RHBDD3: variants seen among roughly 807,000 people sequenced by gnomAD.
RHBDD3 encodes the protein rhomboid domain-containing protein 3.
Under a neutral mutation model 32.3 loss-of-function variants are expected in RHBDD3, and 34 were observed. That is an observed-to-expected ratio of 1.05 (90% CI 0.80 to 1.40). The LOEUF (loss-of-function observed/expected upper bound fraction) is 1.40. RHBDD3 is among the 40% of genes most tolerant of loss of function. RHBDD3 has a pLI of 0.00. For synonymous variants in RHBDD3, 249 were observed against 239.1 expected (o/e 1.04, Z -0.38); for missense variants, 482 against 492.6 (o/e 0.98, Z 0.20).
chr22:29,260,908 C>T, intron 4 of RHBDD3, 44 bp from the exon 5 acceptor site: 1 of 1,499,484 alleles, frequency 6.7e-7, no homozygotes, highest in Non-Finnish European at 8.8e-7. Flanking sequence ...AAACCAAAAG[C>T]AGCCAGGGGT....
chr22:29,268,124 A>C (rs2058273762), upstream of RHBDD3: 1 of 630,626 alleles, frequency 1.6e-6, no homozygotes, highest in African/African-American at 1.8e-5. Context: ...TTTTGGCCCG[A>C]GTGTCACGTC....
intron 4 of RHBDD3, chr22:29,261,154 T>C: frequency 1.7e-6 from 1 of 583,280 alleles, no homozygotes; most frequent in South Asian, 1.8e-5. Flanking sequence ...TTTTCAGGTC[T>C]GTAACTCAAG....
At chr22:29,265,446 G>A (rs1177186684) in intron 3 of RHBDD3, 33 bp downstream of exon 3, 4 of 1,480,304 alleles carry the variant, frequency 2.7e-6, no homozygotes, top group Admixed American at 5.2e-5. Context: ...CAAGTCTCCT[G>A]CTTCCTCCAA....
chr22:29,260,431 T>C lies in RHBDD3; in HGVS notation c.878A>G (p.Asp293Gly). ...GATGCCCTCCTGCAGCATCTGCTCA[T>C]CCAAGGCCGCCCACATCGGAGTCCC... ...SPGTPMWAAL[D>G]EQMLQEGIQA... The change falls in exon 6 of 7, where the codon GAT becomes GGT. Residue 293 changes from aspartate to glycine, a missense_variant. Physicochemically the swap from Asp to Gly is moderately conservative, Grantham distance 94 (BLOSUM62 -1). Transcript: ENST00000216085. 1 of 1,611,070 alleles carries C rather than the reference T, an allele frequency of 6.2e-7. No homozygotes were observed. Among genetic ancestry groups the C allele is most frequent in the South Asian group, 1.1e-5 (1 of 90,672 alleles).
In RHBDD3 at chr22:29,259,955, C is replaced by A; in HGVS notation, c.*105G>T. 8.4e-7 allele frequency: 1 copy of A among 1,192,542 alleles called. No individual in the cohort carries two copies. The highest frequency in any genetic ancestry group is 2.6e-5 in the East Asian group (1 of 38,932). 73.9% of individuals were successfully genotyped at this position (1,192,542 alleles called of 1,614,324 possible). A position where few individuals can be genotyped will look rare whatever the true frequency, so the allele number is the denominator to read the frequency against. On this transcript the variant is annotated 3_prime_UTR_variant, in exon 7 of 7. Transcript: ENST00000216085. ...TCTCCTGCCTCCAGAGGTGCCCCTG[C>A]TCCCCACTGTGGCCCTCTTTAGACA...
In RHBDD3 at chr22:29,260,541, G is replaced by A. The variant is rs780842141; in HGVS notation, c.768C>T (p.Pro256=). The A allele has an allele frequency of 1.3e-6, 2 of 1,597,944 alleles. No homozygotes were observed. The highest frequency in any genetic ancestry group is 1.7e-6 in the Non-Finnish European group (2 of 1,175,096). The change falls in exon 6 of 7, where the codon CCC becomes CCT. Residue 256 remains proline (P), a synonymous_variant. Coordinates refer to ENST00000216085, the MANE Select transcript of RHBDD3 (RefSeq NM_012265.3). The part of the protein sequence containing the change: ...LWSHWEDSAL[P]PPSLRPVQPT... ...GCTGCACAGGCCTCAGGCTTGGTGGGGGCAGGGCTGAGTCTTCCCAGTGGG... is the reference window on the plus strand; with the variant it reads ...GCTGCACAGGCCTCAGGCTTGGTGGAGGCAGGGCTGAGTCTTCCCAGTGGG...
chr22:29,262,659 T>G (rs1329541634), intron 4 of RHBDD3, among the ~76,000 whole-genome samples: 1 of 152,208 alleles, frequency 6.6e-6, no homozygotes. Context: ...TTAACAATAT[T>G]AAGTATTCCA....
In RHBDD3 at chr22:29,263,803, C is replaced by T. The variant is rs544214936; in HGVS notation, c.532+32G>A. Reference sequence around the variant, plus strand: ...GCACCCACCCACAGAACCCACACATCCCCACGGGCCCTGGGCTCAGGCAAA... The same window carrying T: ...GCACCCACCCACAGAACCCACACATTCCCACGGGCCCTGGGCTCAGGCAAA... On this transcript the variant is annotated intron_variant, in intron 4 of 6. Transcript: ENST00000216085. The T allele has an allele frequency of 1.0e-4, 154 of 1,483,308 alleles. No individual in the cohort carries two copies. The African/African-American group carries it at 2.0e-3, about 19-fold the overall frequency. The allele number at this position is 1,483,308 out of a possible 1,614,324, so 91.9% of individuals were successfully genotyped here.
chr22:29,265,664 G>A lies in RHBDD3; in HGVS notation c.-38C>T, dbSNP rs748568780. 37 of 1,543,704 alleles carry A rather than the reference G, an allele frequency of 2.4e-5. No individual in the cohort carries two copies. The highest frequency in any genetic ancestry group is 2.8e-5 in the Non-Finnish European group (32 of 1,155,580). ...GACGGTCAAGGGTGGTCCTGGGGCT[G>A]TGTGCTGGGGATAAAAGAAAACAAT... is the stretch of plus-strand genomic sequence containing the variant. On this transcript the variant is annotated 5_prime_UTR_variant, in exon 3 of 7. Coordinates refer to ENST00000216085, the MANE Select transcript of RHBDD3 (RefSeq NM_012265.3).
chr22:29,261,711 G>A lies in RHBDD3; in HGVS notation c.533-847C>T, dbSNP rs190502717. On this transcript the variant is annotated intron_variant, in intron 4 of 6. Transcript: ENST00000216085. The stretch of plus-strand genomic sequence containing the variant: ...ACTCTGTCACCCAGGCTGATATGCA[G>A]TGGTGAAATCTCGGCTCACTGCAAC... 61 of 185,922 alleles carry A rather than the reference G, an allele frequency of 3.3e-4. No homozygotes were observed. The East Asian group carries it at 9.2e-3, about 28-fold the overall frequency. 11.5% of individuals were successfully genotyped at this position (185,922 alleles called of 1,614,324 possible).
intron 2 of RHBDD3, 72 bp from the exon 3 acceptor site, chr22:29,265,740 T>C: frequency 7.3e-7 from 1 of 1,370,932 alleles, no homozygotes; most frequent in Non-Finnish European, 9.6e-7. Context: ...TCAAGCACCT[T>C]ATCAACAGCC....
intron 2 of RHBDD3, among the ~76,000 whole-genome samples, chr22:29,266,653 TC>T (rs1296557592): frequency 6.6e-6 from 1 of 152,160 alleles, no homozygotes; most frequent in East Asian, 1.9e-4. Context: ...CCCGTGCTGT[TC>T]TCTTGCATCC....
chr22:29,261,500 A>ATT, intron 4 of RHBDD3: 1 of 368,396 alleles, frequency 2.7e-6, no homozygotes, highest in Non-Finnish European at 5.4e-6. Context: ...TGGCTGAGGC[A>ATT]AGAGGATCGC....
In RHBDD3 at chr22:29,260,466, G is replaced by C; in HGVS notation, c.843C>G (p.Ser281Arg). 6.2e-7 allele frequency: 1 copy of C among 1,608,982 alleles called. No individual in the cohort carries two copies. Among genetic ancestry groups the C allele is most frequent in the Non-Finnish European group, 8.5e-7 (1 of 1,178,854 alleles). Residue 281 changes from serine to arginine, a missense_variant, in exon 6 of 7, where the codon AGC becomes AGG. Ser to Arg is a moderately radical substitution (Grantham distance 110). Transcript: ENST00000216085. Reference sequence around the variant, plus strand: ...CCCACATCGGAGTCCCTGGGGAGAAGCTGGCCCCAGCCCAGTCCAGGCCTG... The same window carrying C: ...CCCACATCGGAGTCCCTGGGGAGAACCTGGCCCCAGCCCAGTCCAGGCCTG... ...SEAGLDWAGA[S>R]FSPGTPMWAA...
upstream of RHBDD3, chr22:29,267,987 C>T: frequency 2.6e-6 from 1 of 380,924 alleles, no homozygotes. Context: ...CCTGCAGGGC[C>T]GACTCTTCAG....
rs754162332 is a variant in RHBDD3 at position 29,264,098 on chromosome 22, A to C, written c.269T>G (p.Leu90Arg). The C allele has an allele frequency of 8.8e-6, 14 of 1,586,212 alleles. No homozygotes were observed. ...QECHLGTLRF[L>R]HASALLALAS... ...CAGGGCGAGCAGGGCTGAGGCATGC[A>C]GGAATCTCAGCGTGCCCAGGTGGCA... The change falls in exon 4 of 7, where the codon CTG becomes CGG. Residue 90 changes from leucine (L) to arginine (R), a missense_variant. Transcript: ENST00000216085.
chr22:29,266,941 C>G (rs2058208716), intron 2 of RHBDD3, among the ~76,000 whole-genome samples: 1 of 152,262 alleles, frequency 6.6e-6, no homozygotes, highest in Non-Finnish European at 1.5e-5. Flanking sequence ...TTCCCCTCCT[C>G]TGGCCCCCTA....
At chr22:29,262,824 A>C (rs892953454) in intron 4 of RHBDD3, among the ~76,000 whole-genome samples, 3 of 152,112 alleles carry the variant, frequency 2.0e-5, no homozygotes, top group African/African-American at 7.2e-5. Flanking sequence ...CTCCTGTCTC[A>C]GTCTCCCAAG....
chr22:29,260,539 G>A lies in RHBDD3; in HGVS notation c.770C>T (p.Pro257Leu), dbSNP rs751940946. 6.3e-7 allele frequency: 1 copy of A among 1,598,042 alleles called. No individual in the cohort carries two copies. Among genetic ancestry groups the A allele is most frequent in the African/African-American group, 1.3e-5 (1 of 74,988 alleles). Residue 257 changes from proline (P) to leucine (L), a missense_variant, in exon 6 of 7, where the codon CCA becomes CTA. By Grantham distance (98) the Pro-to-Leu change is moderately conservative. Transcript: ENST00000216085. ...GGGCTGCACAGGCCTCAGGCTTGGT[G>A]GGGGCAGGGCTGAGTCTTCCCAGTG... is the stretch of plus-strand genomic sequence containing the variant. ...WSHWEDSALP[P>L]PSLRPVQPTW...
Sources: gnomAD v4.1 joint callset for allele counts (sites outside exome capture counted in the v4.1 genomes callset) on GRCh38, gnomAD v4.1.1 for gene constraint, MANE v1.5 for transcripts, NCBI Gene and HGNC (gene_info 2026-07-23, HGNC 2026-07-21) for gene names.